ATL2: variants seen among roughly 807,000 people sequenced by gnomAD.
ATL2 encodes the protein atlastin GTPase 2, also known as atlastin-2.
ATL2 carries 31 observed loss-of-function variants against 73.9 expected under a neutral mutation model. That is an observed-to-expected ratio of 0.42 (90% CI 0.32 to 0.57). The LOEUF (loss-of-function observed/expected upper bound fraction) is 0.57, where lower values mean the gene tolerates loss of function less well. ATL2 is among the 20% of genes least tolerant of loss of function. The probability of loss-of-function intolerance (pLI) is 0.14; values close to 1 mark genes in which losing one functional copy is unlikely to be tolerated. For synonymous variants in ATL2, 291 were observed against 237.5 expected (o/e 1.23, Z -2.07); for missense variants, 738 against 702.6 (o/e 1.05, Z -0.57).
At chr2:38,325,880 T>G (rs1225278583) in intron 2 of ATL2, among the ~76,000 whole-genome samples, 2 of 134,130 alleles carry the variant, frequency 1.5e-5, no homozygotes, top group Non-Finnish European at 3.2e-5. Context: ...TCCTGTCTAG[T>G]TTAAGGTTTT....
chr2:38,370,561 A>G (rs1413578597), intron 1 of ATL2, among the ~76,000 whole-genome samples: 1 of 151,586 alleles, frequency 6.6e-6, no homozygotes, highest in East Asian at 1.9e-4. Flanking sequence ...ACTTGTGGTC[A>G]GAAGTTTGAG....
intron 2 of ATL2, among the ~76,000 whole-genome samples, chr2:38,338,303 T>C (rs546446661): frequency 1.3e-5 from 2 of 150,042 alleles, no homozygotes; most frequent in South Asian, 2.1e-4. Context: ...CGGGGAGTAC[T>C]AGAGGGGAGA....
rs370696248 is a variant in ATL2 at position 38,313,100 on chromosome 2, G to A, written c.804+51C>T. 39 of 1,362,610 alleles carry A rather than the reference G, an allele frequency of 2.9e-5. No individual in the cohort carries two copies. The African/African-American group carries it at 3.1e-4, about 11-fold the overall frequency. The allele number at this position is 1,362,610 out of a possible 1,614,324, so 84.4% of individuals were successfully genotyped here. A position where few individuals can be genotyped will look rare whatever the true frequency, so the allele number is the denominator to read the frequency against. On this transcript the variant is annotated intron_variant, in intron 7 of 12. Transcript: ENST00000378954. ...GACCAGCAGTCCGGACAGCCCACCC[G>A]TTTGCCTAGCTTGGTGCTTATGTTC...
intron 4 of ATL2, among the ~76,000 whole-genome samples, chr2:38,317,029 T>C (rs1668059843): frequency 6.6e-6 from 1 of 152,162 alleles, no homozygotes; most frequent in African/African-American, 2.4e-5. Context: ...AAGAGTATTC[T>C]TCTTTTAGCT....
chr2:38,345,383 T>A (rs1669960831), intron 1 of ATL2, among the ~76,000 whole-genome samples: 1 of 152,224 alleles, frequency 6.6e-6, no homozygotes, highest in Non-Finnish European at 1.5e-5. Context: ...TTTAATCTTA[T>A]TACCAAAAGA....
chr2:38,330,805 T>C (rs368568205), intron 2 of ATL2, among the ~76,000 whole-genome samples: 11 of 152,242 alleles, frequency 7.2e-5, no homozygotes, highest in Non-Finnish European at 1.2e-4. Context: ...ATTTCCCAAA[T>C]TGATCTTTCA....
chr2:38,296,367 G>C, intron 12 of ATL2: 3 of 1,491,784 alleles, frequency 2.0e-6, no homozygotes, highest in African/African-American at 1.4e-5. Context: ...CCTATATGCA[G>C]CATCAAATCT....
intron 1 of ATL2, among the ~76,000 whole-genome samples, chr2:38,360,603 CA>C (rs1443167108): frequency 1.3e-5 from 2 of 152,068 alleles, no homozygotes; most frequent in East Asian, 3.9e-4. Context: ...CTATAATCAA[CA>C]AGACAGAAAT....
At chr2:38,353,086 G>A (rs944702010) in intron 1 of ATL2, among the ~76,000 whole-genome samples, 3 of 152,124 alleles carry the variant, frequency 2.0e-5, no homozygotes, top group Non-Finnish European at 4.4e-5. Flanking sequence ...AGGAAATGTA[G>A]CCCATAGTCA....
At chr2:38,354,330 C>G (rs552336045) in intron 1 of ATL2, among the ~76,000 whole-genome samples, 1 of 152,164 alleles carries the variant, frequency 6.6e-6, no homozygotes, top group Non-Finnish European at 1.5e-5. Context: ...TAAACAGATA[C>G]AAATATAAAA....
intron 2 of ATL2, among the ~76,000 whole-genome samples, chr2:38,341,776 T>C (rs1669733596): frequency 6.6e-6 from 1 of 152,224 alleles, no homozygotes; most frequent in African/African-American, 2.4e-5. Context: ...CCTGAAATGA[T>C]CGCCATGAAA....
At chr2:38,319,929 G>A (rs1488241493) in intron 2 of ATL2, among the ~76,000 whole-genome samples, 6 of 152,118 alleles carry the variant, frequency 3.9e-5, no homozygotes, top group Admixed American at 6.5e-5. Context: ...CCAACATGGC[G>A]AAACTCCATC....
At chr2:38,367,767 G>A (rs1671425820) in intron 1 of ATL2, among the ~76,000 whole-genome samples, 1 of 150,704 alleles carries the variant, frequency 6.6e-6, no homozygotes, top group Non-Finnish European at 1.5e-5. Context: ...GGAGTAGCTG[G>A]GATTACAGGC....
At position 38,365,134 on chromosome 2, in the gene ATL2, T is replaced by TACACACACAC. The variant is rs541325892; in HGVS notation, c.118+11999_118+12008dup. ...GGATAGCCAGTTAGCAAGGGAATCA[T>TACACACACAC]ACACACACACACACACACACACACA... On this transcript the variant is annotated intron_variant, in intron 1 of 12. Coordinates refer to ENST00000378954, the MANE Select transcript of ATL2 (RefSeq NM_001135673.4). Among the ~76,000 whole-genome samples the TACACACACAC allele has an allele frequency of 1.8e-3, 239 of 132,736 alleles. 2 individuals carry two copies. Among genetic ancestry groups the TACACACACAC allele is most frequent in the African/African-American group, 6.1e-3 (231 of 37,708 alleles). The allele number at this position is 132,736 out of a possible 152,430, so 87.1% of individuals were successfully genotyped here.
intron 2 of ATL2, 140 bp downstream of exon 2, chr2:38,343,128 A>C (rs1203376365): frequency 1.3e-6 from 1 of 794,090 alleles, no homozygotes; most frequent in East Asian, 3.8e-5. Flanking sequence ...ATCCTGGGTA[A>C]CAGAGTGAGA....
At chr2:38,336,244 C>T (rs1313237359) in intron 2 of ATL2, among the ~76,000 whole-genome samples, 1 of 152,170 alleles carries the variant, frequency 6.6e-6, no homozygotes, top group Admixed American at 6.5e-5. Flanking sequence ...GATATTTGTG[C>T]TTGTGGCAAG....
chr2:38,299,142 T>G (rs895015553), intron 11 of ATL2, 114 bp downstream of exon 11: 1 of 941,900 alleles, frequency 1.1e-6, no homozygotes, highest in African/African-American at 1.7e-5. Context: ...TAGGGAATAA[T>G]GTACCATAAG....
chr2:38,308,239 G>A (rs1667559184), intron 9 of ATL2, among the ~76,000 whole-genome samples: 1 of 152,084 alleles, frequency 6.6e-6, no homozygotes. Flanking sequence ...AAGAAATGTG[G>A]TACATATACA....
intron 9 of ATL2, among the ~76,000 whole-genome samples, chr2:38,303,433 C>A (rs189804175): frequency 1.2e-4 from 19 of 152,066 alleles, no homozygotes; most frequent in Admixed American, 3.3e-4. Flanking sequence ...CTCAAGTGAT[C>A]TGCCCACCTC....
Sources: gnomAD v4.1 joint callset for allele counts (sites outside exome capture counted in the v4.1 genomes callset) on GRCh38, gnomAD v4.1.1 for gene constraint, MANE v1.5 for transcripts, NCBI Gene and HGNC (gene_info 2026-07-23, HGNC 2026-07-21) for gene names.